DNAH10: variants seen among roughly 807,000 people sequenced by gnomAD.
DNAH10 encodes dynein axonemal heavy chain 10, also known as axonemal beta dynein heavy chain 10.
DNAH10 carries 348 observed loss-of-function variants against 506.6 expected under a neutral mutation model. The ratio of observed to expected loss-of-function variants is 0.69; its 90% CI spans 0.63 to 0.75. DNAH10 has a LOEUF of 0.75. DNAH10 is among the 30% of genes least tolerant of loss of function. The pLI is 0.00. For synonymous variants in DNAH10, 2,059 were observed against 2,198.6 expected, an observed-to-expected ratio of 0.94 and a Z score of 1.78; for missense variants, 5,179 against 5,787.1, an observed-to-expected ratio of 0.89 and a Z score of 3.41.
At chr12:123,827,265 A>T (rs1337388160) in intron 25 of DNAH10, among the ~76,000 whole-genome samples, 1 of 152,238 alleles carries the variant, frequency 6.6e-6, no homozygotes, top group Admixed American at 6.5e-5. Flanking sequence ...TAAAAGAGTA[A>T]AAACAGGTGA....
At chr12:123,933,884 T>C (rs1955339992) in intron 77 of DNAH10, among the ~76,000 whole-genome samples, 1 of 152,226 alleles carries the variant, frequency 6.6e-6, no homozygotes, top group African/African-American at 2.4e-5. Flanking sequence ...CAGAGCAGCA[T>C]GGACTAACTT....
chr12:123,885,858 C>T (rs1952705534), intron 51 of DNAH10, among the ~76,000 whole-genome samples: 1 of 152,156 alleles, frequency 6.6e-6, no homozygotes, highest in Non-Finnish European at 1.5e-5. Flanking sequence ...TCCTTTTATA[C>T]ATTTTTTGGA....
Position 123,887,326 on chromosome 12 carries a change from C to G in DNAH10, c.8995+13C>G, listed in dbSNP as rs1347450357. On this transcript the variant is annotated intron_variant, in intron 52 of 78. Transcript: ENST00000673944. ...ATGCTGACCTCAGGTACAGCCAAGGCTGGCGCCCGCTGTGGCCAACACCCC... is the reference window on the plus strand; with the variant it reads ...ATGCTGACCTCAGGTACAGCCAAGGGTGGCGCCCGCTGTGGCCAACACCCC... 1.2e-6 allele frequency: 2 copies of G among 1,609,582 alleles called. No individual in the cohort carries two copies. Among genetic ancestry groups the G allele is most frequent in the Non-Finnish European group, 1.7e-6 (2 of 1,178,352 alleles).
intron 50 of DNAH10, 104 bp from the exon 51 acceptor site, chr12:123,881,521 G>T: frequency 8.5e-7 from 1 of 1,181,576 alleles, no homozygotes; most frequent in East Asian, 3.0e-5. Flanking sequence ...TCGTAAATTT[G>T]TTTAAGTTCT....
chr12:123,884,997 G>T (rs1952669292), intron 51 of DNAH10, among the ~76,000 whole-genome samples: 1 of 152,038 alleles, frequency 6.6e-6, no homozygotes. Flanking sequence ...ACTTACAATA[G>T]GGCTGTCTCA....
In DNAH10 at chr12:123,830,670, G is replaced by T. The variant is rs1297251110; in HGVS notation, c.4516G>T (p.Ala1506Ser). The part of the protein sequence containing the change: ...HTDVLNEIVT[A>S]AIKEVAIEKA... ...AGATGTTCTCAATGAGATTGTCACA[G>T]CAGCAATCAAGGAGGTTGCCATTGA... The change falls in exon 26 of 79, where the codon GCA (alanine) becomes TCA (serine). Residue 1506 changes from alanine to serine, a missense_variant. Ala to Ser is a moderately conservative substitution (Grantham distance 99, BLOSUM62 1). This residue lies in a region of DNAH10 where 4,844 missense variants were observed against 5,430.5 expected (regional missense o/e 0.89). Transcript: ENST00000673944. The T allele has an allele frequency of 6.2e-7, 1 of 1,612,436 alleles. No individual in the cohort carries two copies. The highest frequency in any genetic ancestry group is 1.1e-5 in the South Asian group (1 of 90,640).
chr12:123,773,500 G>A lies in DNAH10; in HGVS notation c.505+558G>A, dbSNP rs1957331388. The stretch of plus-strand genomic sequence containing the variant: ...CCAGCTTGGATGGTTGTAACAAATT[G>A]CCATAGGCTGGGGGGCTTCACCAAC... On this transcript the variant is annotated intron_variant, in intron 4 of 78. Transcript: ENST00000673944. Among the ~76,000 whole-genome samples the A allele has an allele frequency of 2.6e-5, 4 of 152,202 alleles. No homozygotes were observed. In the South Asian group the frequency reaches 8.3e-4, roughly 32 times the overall value.
At chr12:123,855,466 A>T (rs1951346183) in intron 36 of DNAH10, among the ~76,000 whole-genome samples, 1 of 151,782 alleles carries the variant, frequency 6.6e-6, no homozygotes, top group South Asian at 2.1e-4. Flanking sequence ...TTCCAAACAA[A>T]TACCCAAAAC....
intron 44 of DNAH10, among the ~76,000 whole-genome samples, chr12:123,871,092 C>T (rs1209179173): frequency 1.3e-5 from 2 of 152,156 alleles, no homozygotes; most frequent in Non-Finnish European, 2.9e-5. Flanking sequence ...GAGCCAGACC[C>T]GATGCTGTGG....
At position 123,850,734 on chromosome 12, in the gene DNAH10, T is replaced by C. The variant is rs1951124006; in HGVS notation, c.6103-154T>C. 1.3e-5 allele frequency among the ~76,000 whole-genome samples: 2 copies of C among 152,248 alleles called. No individual in the cohort carries two copies. Among genetic ancestry groups the C allele is most frequent in the African/African-American group, 2.4e-5 (1 of 41,558 alleles). The stretch of plus-strand genomic sequence containing the variant: ...GGCCTTCAGCGAGGGGGGCCCTGCA[T>C]TGAACACCGGGGAGGGAAAAAGAGA... On this transcript the variant is annotated intron_variant, in intron 34 of 78. Transcript: ENST00000673944. This position sits in a 1 kb window ranked among gnomAD's most constrained non-coding sequence, Gnocchi z 5.5.
rs1352576035 is a variant in DNAH10 at position 123,857,199 on chromosome 12, G to A, written c.6582G>A (p.Ala2194=). Reference sequence around the variant, plus strand: ...TCCGCTACCCTGACTTCAACGATGCGGTAGAGCAGGTCCTGGAGGAGAACG... The same window carrying A: ...TCCGCTACCCTGACTTCAACGATGCAGTAGAGCAGGTCCTGGAGGAGAACG... ...PRVRYPDFND[A]VEQVLEENGY... Residue 2194 remains alanine, a synonymous_variant, in exon 37 of 79, where the codon GCG becomes GCA. Transcript: ENST00000673944. The A allele has an allele frequency of 5.0e-6, 8 of 1,608,222 alleles. No homozygotes were observed. The Admixed American group carries it at 6.8e-5, about 14-fold the overall frequency.
chr12:123,921,795 C>A (rs925302792), intron 65 of DNAH10, among the ~76,000 whole-genome samples: 1 of 140,978 alleles, frequency 7.1e-6, no homozygotes, highest in East Asian at 2.2e-4. Context: ...CTCACTGCAA[C>A]CTTCGCCTCC....
chr12:123,809,330 G>A (rs1046160586), intron 19 of DNAH10, among the ~76,000 whole-genome samples: 1 of 151,982 alleles, frequency 6.6e-6, no homozygotes, highest in Non-Finnish European at 1.5e-5. Flanking sequence ...CTCCACCACC[G>A]GTGGTCAGAA....
intron 76 of DNAH10, among the ~76,000 whole-genome samples, chr12:123,932,986 AT>A (rs1253383545): frequency 6.6e-6 from 1 of 152,152 alleles, no homozygotes; most frequent in Non-Finnish European, 1.5e-5. Context: ...TGCTTACGGT[AT>A]TTTTTCCACA....
At position 123,808,828 on chromosome 12, in the gene DNAH10, G is replaced by A. The variant is rs1297462127; in HGVS notation, c.3019G>A (p.Gly1007Arg). 1 of 1,613,970 alleles carries A rather than the reference G, an allele frequency of 6.2e-7. No homozygotes were observed. Reference sequence around the variant, plus strand: ...GCAGTCTTTTAATTCTTTGATCCTTGGAAATGTCCCTCTGTTCCACACTGA... The same window carrying A: ...GCAGTCTTTTAATTCTTTGATCCTTAGAAATGTCCCTCTGTTCCACACTGA... Reference protein sequence around the residue: ...NLQSFNSLILGNVPLFHTETI... With the variant: ...NLQSFNSLILRNVPLFHTETI... The change falls in exon 19 of 79, where the codon GGA becomes AGA. Residue 1007 changes from glycine to arginine, a missense_variant. Physicochemically the swap from Gly to Arg is moderately radical, Grantham distance 125. Around this residue, in one of 3 missense-constraint regions of DNAH10, gnomAD observed 4,844 missense variants for 5,430.5 expected, o/e 0.89. Coordinates refer to ENST00000673944, the MANE Select transcript of DNAH10 (RefSeq NM_001372106.1).
Position 123,848,098 on chromosome 12 carries a change from A to G in DNAH10, c.5949+3A>G, listed in dbSNP as rs1158973518. ...GTGGCGAAGGCATGGATTACAGGGTAAGGCCTGGCTGTCACCTTTGGTACT... is the reference window on the plus strand; with the variant it reads ...GTGGCGAAGGCATGGATTACAGGGTGAGGCCTGGCTGTCACCTTTGGTACT... On this transcript the variant is annotated splice_donor_region_variant and intron_variant, in intron 33 of 78. Transcript: ENST00000673944. 6.2e-7 allele frequency: 1 copy of G among 1,612,426 alleles called. No individual in the cohort carries two copies. Among genetic ancestry groups the G allele is most frequent in the Non-Finnish European group, 8.5e-7 (1 of 1,179,016 alleles).
intron 43 of DNAH10, among the ~76,000 whole-genome samples, chr12:123,869,968 C>G (rs1951963017): frequency 6.6e-6 from 1 of 152,228 alleles, no homozygotes; most frequent in Non-Finnish European, 1.5e-5. Flanking sequence ...GAAATGGCCA[C>G]TTCTTGCCTG....
chr12:123,904,311 G>C (rs899593307), intron 57 of DNAH10, among the ~76,000 whole-genome samples: 3 of 152,144 alleles, frequency 2.0e-5, no homozygotes, highest in Non-Finnish European at 4.4e-5. Flanking sequence ...GGACACAGTG[G>C]AAGTGCACAC....
intron 5 of DNAH10, among the ~76,000 whole-genome samples, chr12:123,775,109 C>T (rs1459314702): frequency 6.6e-6 from 1 of 152,160 alleles, no homozygotes; most frequent in Admixed American, 6.5e-5. Flanking sequence ...GATGTCTAAG[C>T]TTTCTTTTTT....
Sources: gnomAD v4.1 joint callset for allele counts (sites outside exome capture counted in the v4.1 genomes callset) on GRCh38, gnomAD v4.1.1 for gene constraint, gnomAD v4.1.1 regional missense constraint, Gnocchi (gnomAD v3.1) non-coding constraint, MANE v1.5 for transcripts, NCBI Gene and HGNC (gene_info 2026-07-23, HGNC 2026-07-21) for gene names.